The following TFCP2 variants were observed in gnomAD, a reference collection of about 807,000 sequenced individuals.
TFCP2 encodes transcription factor CP2.
Under a neutral mutation model 73.4 loss-of-function variants are expected in TFCP2, and 33 were observed. That is an observed-to-expected ratio of 0.45 (90% confidence interval 0.34 to 0.60). The LOEUF is 0.60. TFCP2 is among the 20% of genes least tolerant of loss of function. The pLI is 0.01. For synonymous variants in TFCP2, 193 were observed against 211.6 expected (o/e 0.91, Z 0.76); for missense variants, 352 against 604.0 (o/e 0.58, Z 4.37).
At chr12:51,154,065 T>C (rs1230453050) in intron 1 of TFCP2, among the ~76,000 whole-genome samples, 4 of 152,164 alleles carry the variant, frequency 2.6e-5, no homozygotes, top group East Asian at 3.8e-4. Flanking sequence ...CTAGCAGCCA[T>C]CCTAAAGGCT....
intron 1 of TFCP2, among the ~76,000 whole-genome samples, chr12:51,157,773 G>A (rs1461307012): frequency 3.2e-5 from 4 of 123,248 alleles, no homozygotes; most frequent in East Asian, 2.8e-4. Flanking sequence ...TGCAACCACC[G>A]CCTGCCTCCT....
intron 1 of TFCP2, among the ~76,000 whole-genome samples, chr12:51,134,120 A>C (rs1297565859): frequency 1.3e-5 from 2 of 152,148 alleles, no homozygotes; most frequent in African/African-American, 2.4e-5. Flanking sequence ...TCTTTCCTCC[A>C]TCTTGTCACA....
intron 1 of TFCP2, among the ~76,000 whole-genome samples, chr12:51,147,025 G>T (rs1007098122): frequency 2.6e-5 from 4 of 152,156 alleles, no homozygotes; most frequent in Non-Finnish European, 5.9e-5. Context: ...GTGACTGAGG[G>T]AATAAACCAG....
intron 1 of TFCP2, among the ~76,000 whole-genome samples, chr12:51,121,614 C>T (rs920788286): frequency 6.6e-5 from 10 of 151,268 alleles, no homozygotes; most frequent in African/African-American, 1.5e-4. Context: ...TACATGCACA[C>T]GCCACCACAC....
At chr12:51,169,077 C>T (rs1414095466) in intron 1 of TFCP2, among the ~76,000 whole-genome samples, 1 of 151,736 alleles carries the variant, frequency 6.6e-6, no homozygotes, top group Non-Finnish European at 1.5e-5. Context: ...GTTTGGATTA[C>T]AGGCGTGAGC....
intron 1 of TFCP2, 121 bp from the exon 2 acceptor site, chr12:51,118,893 T>C: frequency 8.7e-7 from 1 of 1,146,402 alleles, no homozygotes; most frequent in East Asian, 2.4e-5. Flanking sequence ...TGGTGGAGTT[T>C]CATCCCAAGA....
intron 2 of TFCP2, among the ~76,000 whole-genome samples, chr12:51,118,371 G>A (rs1003622850): frequency 3.3e-5 from 5 of 152,136 alleles, no homozygotes; most frequent in Non-Finnish European, 7.3e-5. Context: ...TGGCTAACAC[G>A]ATGAAACCCT....
At chr12:51,154,258 T>C (rs1384675953) in intron 1 of TFCP2, among the ~76,000 whole-genome samples, 2 of 152,198 alleles carry the variant, frequency 1.3e-5, no homozygotes, top group Admixed American at 6.5e-5. Context: ...CATGGATGTG[T>C]GAAACCAGGG....
intron 4 of TFCP2, among the ~76,000 whole-genome samples, chr12:51,111,665 C>G (rs372913212): frequency 9.9e-5 from 15 of 151,038 alleles, no homozygotes; most frequent in African/African-American, 3.6e-4. Context: ...ACCAGCCTGA[C>G]CAACATGACG....
chr12:51,166,688 C>T (rs1054373334), intron 1 of TFCP2, among the ~76,000 whole-genome samples: 1 of 152,150 alleles, frequency 6.6e-6, no homozygotes, highest in African/African-American at 2.4e-5. Context: ...CTCACCTTTC[C>T]TACCTGCCAA....
intron 4 of TFCP2, among the ~76,000 whole-genome samples, chr12:51,115,269 G>A (rs905834100): frequency 7.9e-5 from 12 of 151,744 alleles, no homozygotes; most frequent in South Asian, 2.1e-4. Context: ...ACAGGCGCCC[G>A]CCACCACGCC....
intron 5 of TFCP2, 114 bp from the exon 6 acceptor site, chr12:51,109,387 C>T (rs1940338285): frequency 1.0e-6 from 1 of 996,998 alleles, no homozygotes; most frequent in African/African-American, 1.6e-5. Context: ...TGAATACCTA[C>T]AAAAAACACT....
Position 51,095,995 on chromosome 12 carries a change from T to C in TFCP2, c.1465A>G (p.Met489Val). ...QEEACFILDT[M>V]KAETNDSYHI... ...ATGTTTGTCTTACTATTACCTTTCA[T>C]TGTGTCCAGAATAAAACATGCTTCT... Residue 489 changes from methionine to valine, a missense_variant, in exon 14 of 15, where the codon ATG becomes GTG. This residue lies in a region of TFCP2 where 194 missense variants were observed against 256.3 expected (regional missense o/e 0.76). Coordinates refer to ENST00000257915, the MANE Select transcript of TFCP2 (RefSeq NM_005653.5). The C allele has an allele frequency of 6.2e-7, 1 of 1,613,296 alleles. No homozygotes were observed. The highest frequency in any genetic ancestry group is 1.1e-5 in the South Asian group (1 of 91,034).
intron 1 of TFCP2, among the ~76,000 whole-genome samples, chr12:51,132,355 G>GTTTTTTTTTTTTTT (rs1276335598): frequency 1.4e-4 from 3 of 21,460 alleles, no homozygotes; most frequent in African/African-American, 3.5e-4. Context: ...TTAGGGATTA[G>GTTTTTTTTTTTTTT]TCTTTTTTTT....
At chr12:51,128,695 A>G (rs1258007797) in intron 1 of TFCP2, among the ~76,000 whole-genome samples, 1 of 152,210 alleles carries the variant, frequency 6.6e-6, no homozygotes, top group Non-Finnish European at 1.5e-5. Flanking sequence ...AAGTGGCTTC[A>G]CAGACAACTA....
At chr12:51,147,146 C>T (rs1941313664) in intron 1 of TFCP2, among the ~76,000 whole-genome samples, 1 of 152,234 alleles carries the variant, frequency 6.6e-6, no homozygotes, top group African/African-American at 2.4e-5. Flanking sequence ...AGTGCGAGAC[C>T]AGCCTGGCCA....
At chr12:51,144,248 G>A (rs534235733) in intron 1 of TFCP2, among the ~76,000 whole-genome samples, 1 of 152,030 alleles carries the variant, frequency 6.6e-6, no homozygotes, top group Non-Finnish European at 1.5e-5. Context: ...TGCCTAGCCT[G>A]GTCTCAAACT....
intron 2 of TFCP2, among the ~76,000 whole-genome samples, chr12:51,118,194 T>C (rs2136983666): frequency 6.6e-6 from 1 of 152,268 alleles, no homozygotes; most frequent in East Asian, 1.9e-4. Context: ...ATCTCTGAAG[T>C]AGGACTTCTA....
chr12:51,149,112 G>C, intron 1 of TFCP2, among the ~76,000 whole-genome samples: 1 of 151,562 alleles, frequency 6.6e-6, no homozygotes. Flanking sequence ...CGAAACAATG[G>C]CATTTGCGGC....
Sources: gnomAD v4.1 joint callset for allele counts (sites outside exome capture counted in the v4.1 genomes callset) on GRCh38, gnomAD v4.1.1 for gene constraint, gnomAD v4.1.1 regional missense constraint, MANE v1.5 for transcripts, NCBI Gene and HGNC (gene_info 2026-07-23, HGNC 2026-07-21) for gene names.